The following EXOC4 variants were observed in gnomAD, a reference collection of about 807,000 sequenced individuals.
EXOC4 encodes exocyst complex component 4.
EXOC4 carries 71 observed loss-of-function variants against 107.2 expected under a neutral mutation model. The ratio of observed to expected loss-of-function variants is 0.66; its 90% CI spans 0.55 to 0.81. The LOEUF is 0.81. EXOC4 is among the 30% of genes least tolerant of loss of function. The pLI is 0.00. For missense variants in EXOC4, 1,108 were observed against 1,189.6 expected (o/e 0.93, Z 1.01); for synonymous variants, 456 against 441.2 (o/e 1.03, Z -0.42).
At position 133,601,758 on chromosome 7, in the gene EXOC4, G is replaced by A. The variant is rs898083370; in HGVS notation, c.1418-28287G>A. ...CACAGTAGCAGTGGTTGCACCTGCTGTATCTTAAGGTGTGAATTGTGGCCT... is the reference window on the plus strand; with the variant it reads ...CACAGTAGCAGTGGTTGCACCTGCTATATCTTAAGGTGTGAATTGTGGCCT... On this transcript the variant is annotated intron_variant, in intron 9 of 17. Coordinates refer to ENST00000253861, the MANE Select transcript of EXOC4 (RefSeq NM_021807.4). 2.0e-5 allele frequency: 3 copies of A among 152,254 alleles called. No homozygotes were observed. In the East Asian group the frequency reaches 5.8e-4, roughly 29 times the overall value. 9.4% of individuals were successfully genotyped at this position (152,254 alleles called of 1,614,324 possible).
chr7:134,017,458 C>G (rs1157534962), intron 17 of EXOC4, among the ~76,000 whole-genome samples: 2 of 152,242 alleles, frequency 1.3e-5, no homozygotes, highest in Admixed American at 1.3e-4. Flanking sequence ...AAAACCAAAT[C>G]TTGTACGGCC....
chr7:133,469,107 T>C (rs1306202893), intron 7 of EXOC4, among the ~76,000 whole-genome samples: 1 of 152,166 alleles, frequency 6.6e-6, no homozygotes, highest in East Asian at 1.9e-4. Context: ...AATCACTGAA[T>C]ACGTGAAGTT....
At chr7:133,649,593 T>G (rs1011133751) in intron 10 of EXOC4, among the ~76,000 whole-genome samples, 2 of 152,020 alleles carry the variant, frequency 1.3e-5, no homozygotes, top group Non-Finnish European at 2.9e-5. Flanking sequence ...GGCTTTCCTG[T>G]ATGTAAACCT....
intron 10 of EXOC4, among the ~76,000 whole-genome samples, chr7:133,764,939 T>A (rs12667996): frequency 0.99 from 149,995 of 152,094 alleles, 74,012 homozygotes; most frequent in Middle Eastern, 1. Flanking sequence ...CCCAAACAAG[T>A]TACTTAACCT....
At position 133,555,968 on chromosome 7, in the gene EXOC4, A is replaced by G. The variant is rs867280919; in HGVS notation, c.1418-74077A>G. Among the ~76,000 whole-genome samples the G allele has an allele frequency of 2.0e-4, 30 of 152,176 alleles. 1 individual carries two copies. The highest frequency in any genetic ancestry group is 7.2e-4 in the African/African-American group (30 of 41,438). On this transcript the variant is annotated intron_variant, in intron 9 of 17. Transcript: ENST00000253861. ...GCCTTTAGTTAAGTTGTTGCAGTGC[A>G]GCTTGGTACCTACACCCTTTAACTT...
intron 17 of EXOC4, among the ~76,000 whole-genome samples, chr7:134,039,876 A>G (rs770071633): frequency 6.6e-6 from 1 of 152,130 alleles, no homozygotes; most frequent in Non-Finnish European, 1.5e-5. Context: ...AAGTTTTCAG[A>G]TATTAGTAAC....
At chr7:133,938,922 C>A (rs1800364559) in intron 14 of EXOC4, among the ~76,000 whole-genome samples, 1 of 152,198 alleles carries the variant, frequency 6.6e-6, no homozygotes, top group Non-Finnish European at 1.5e-5. Context: ...CATGCTTCAG[C>A]CTCCCGAGTA....
chr7:133,996,410 T>C (rs1794393337), intron 14 of EXOC4, among the ~76,000 whole-genome samples: 1 of 152,180 alleles, frequency 6.6e-6, no homozygotes, highest in Non-Finnish European at 1.5e-5. Flanking sequence ...TGGTTGGGAA[T>C]CTTTGAGAAA....
At chr7:133,788,752 C>A (rs899753681) in intron 10 of EXOC4, among the ~76,000 whole-genome samples, 1 of 152,150 alleles carries the variant, frequency 6.6e-6, no homozygotes, top group Non-Finnish European at 1.5e-5. Context: ...CTCGGCCTCC[C>A]AAAGTGCTGG....
chr7:133,560,264 T>C (rs1302417801), intron 9 of EXOC4, among the ~76,000 whole-genome samples: 1 of 152,142 alleles, frequency 6.6e-6, no homozygotes, highest in Non-Finnish European at 1.5e-5. Flanking sequence ...TTTGCCTTCT[T>C]ATTTTGAGAT....
intron 5 of EXOC4, among the ~76,000 whole-genome samples, chr7:133,355,415 G>GT (rs1366768779): frequency 4.0e-5 from 6 of 151,722 alleles, no homozygotes; most frequent in South Asian, 2.1e-4. Context: ...GTAACGTCCT[G>GT]TTTTTTTTGG....
intron 9 of EXOC4, among the ~76,000 whole-genome samples, chr7:133,486,783 G>T (rs1233504123): frequency 6.6e-6 from 1 of 151,742 alleles, no homozygotes; most frequent in Non-Finnish European, 1.5e-5. Flanking sequence ...TTAAAAGAAT[G>T]ACCTTAACTT....
intron 9 of EXOC4, among the ~76,000 whole-genome samples, chr7:133,563,226 G>A (rs1800842714): frequency 6.6e-6 from 1 of 152,134 alleles, no homozygotes; most frequent in East Asian, 1.9e-4. Context: ...TGGAAAGAAG[G>A]AAAGTTAGGT....
chr7:133,781,565 A>G (rs1796466673), intron 10 of EXOC4, among the ~76,000 whole-genome samples: 1 of 152,264 alleles, frequency 6.6e-6, no homozygotes, highest in African/African-American at 2.4e-5. Context: ...GTACAATCCT[A>G]AAACTTAGTA....
At chr7:133,306,643 G>A (rs1046593873) in intron 4 of EXOC4, among the ~76,000 whole-genome samples, 2 of 152,018 alleles carry the variant, frequency 1.3e-5, no homozygotes, top group Admixed American at 6.6e-5. Context: ...GAGCTTCAGT[G>A]AGCTATGATT....
intron 7 of EXOC4, among the ~76,000 whole-genome samples, chr7:133,465,416 A>G (rs916701901): frequency 6.6e-6 from 1 of 152,186 alleles, no homozygotes; most frequent in Non-Finnish European, 1.5e-5. Context: ...ATTGACTGAA[A>G]GGAGTAGTGG....
intron 13 of EXOC4, among the ~76,000 whole-genome samples, chr7:133,936,553 C>A (rs1343569682): frequency 6.6e-6 from 1 of 152,176 alleles, no homozygotes; most frequent in Non-Finnish European, 1.5e-5. Flanking sequence ...TCTCCAGGTG[C>A]CTATTTCAAC....
intron 10 of EXOC4, among the ~76,000 whole-genome samples, chr7:133,809,302 C>A (rs966698220): frequency 6.6e-6 from 1 of 152,198 alleles, no homozygotes; most frequent in Non-Finnish European, 1.5e-5. Flanking sequence ...CAATCTGTGT[C>A]ATATAACAAT....
rs1026436116 is a variant in EXOC4 at position 133,499,792 on chromosome 7, G to A, written c.1417+19654G>A. 9.2e-5 allele frequency among the ~76,000 whole-genome samples: 14 copies of A among 152,044 alleles called. No individual in the cohort carries two copies. The East Asian group carries it at 1.7e-3, about 19-fold the overall frequency. The stretch of plus-strand genomic sequence containing the variant: ...CTCTTGCTCATGCCATGTAAGAAGC[G>A]CCTGCCTCCTCTTTACCCTCTGCCA... On this transcript the variant is annotated intron_variant, in intron 9 of 17. Coordinates refer to ENST00000253861, the MANE Select transcript of EXOC4 (RefSeq NM_021807.4).
Sources: gnomAD v4.1 joint callset for allele counts (sites outside exome capture counted in the v4.1 genomes callset) on GRCh38, gnomAD v4.1.1 for gene constraint, MANE v1.5 for transcripts, NCBI Gene and HGNC (gene_info 2026-07-23, HGNC 2026-07-21) for gene names.